Variants in FOXO3 observed in about 807,000 individuals in gnomAD.
The protein encoded by FOXO3 is forkhead box protein O3.
FOXO3 carries 4 observed loss-of-function variants against 41.9 expected under a neutral mutation model. That is an observed-to-expected ratio of 0.10 (90% CI 0.05 to 0.22). The LOEUF (loss-of-function observed/expected upper bound fraction) is 0.22. FOXO3 is among the 10% of genes least tolerant of loss of function. The pLI is 1.00. For missense variants in FOXO3, 534 were observed against 906.8 expected (o/e 0.59, Z 5.28); for synonymous variants, 318 against 389.3 (o/e 0.82, Z 2.16).
intron 2 of FOXO3, 53 bp downstream of exon 2, chr6:108,664,942 T>G: frequency 1.1e-5 from 15 of 1,335,058 alleles, no homozygotes; most frequent in Middle Eastern, 2.4e-4. Flanking sequence ...TGAGGGGGGA[T>G]CTCTGGGGGA....
In FOXO3 at chr6:108,633,395, T is replaced by TA. The variant is rs201686528; in HGVS notation, c.622-30051dup. Among the ~76,000 whole-genome samples, 146 of 151,396 alleles carry TA rather than the reference T, an allele frequency of 9.6e-4. 1 individual carries two copies. Among genetic ancestry groups the TA allele is most frequent in the South Asian group, 8.8e-3 (42 of 4,792 alleles). On this transcript the variant is annotated intron_variant, in intron 1 of 2. Transcript: ENST00000406360. ...GAAGGATTTGTCTTATCTGCTGATT[T>TA]AAAAAAAAAGATTTTATGTTTATTA...
chr6:108,604,921 A>G (rs1168718910), intron 1 of FOXO3, among the ~76,000 whole-genome samples: 1 of 152,154 alleles, frequency 6.6e-6, no homozygotes, highest in Non-Finnish European at 1.5e-5. Context: ...GAAGAGAGAA[A>G]AAGGTATTTG....
At chr6:108,633,331 G>C (rs1778026689) in intron 1 of FOXO3, among the ~76,000 whole-genome samples, 1 of 152,092 alleles carries the variant, frequency 6.6e-6, no homozygotes, top group South Asian at 2.1e-4. Context: ...AAGTGTGTGT[G>C]TGTATGTGTG....
rs1016735384 is a variant in FOXO3 at position 108,680,515 on chromosome 6, C to T, written c.*723C>T. The T allele has an allele frequency of 6.6e-6, 1 of 152,242 alleles. No homozygotes were observed. The highest frequency in any genetic ancestry group is 1.5e-5 in the Non-Finnish European group (1 of 68,048). The allele number at this position is 152,242 out of a possible 1,614,324, so 9.4% of individuals were successfully genotyped here. A position where few individuals can be genotyped will look rare whatever the true frequency, so the allele number is the denominator to read the frequency against. ...AAAGGAGTGGAGCACAGCGTCCGGCCCAGTGTGTTTCCGGTTCTGAGTCAG... is the reference window on the plus strand; with the variant it reads ...AAAGGAGTGGAGCACAGCGTCCGGCTCAGTGTGTTTCCGGTTCTGAGTCAG... On this transcript the variant is annotated 3_prime_UTR_variant, in exon 3 of 3. Transcript: ENST00000406360.
At chr6:108,657,489 C>T (rs1391405800) in intron 1 of FOXO3, among the ~76,000 whole-genome samples, 1 of 152,162 alleles carries the variant, frequency 6.6e-6, no homozygotes, top group Non-Finnish European at 1.5e-5. Flanking sequence ...TTAAGGAAGG[C>T]ACATCCCTAG....
chr6:108,663,716 C>G lies in FOXO3; in HGVS notation c.883C>G (p.Pro295Ala). The change falls in exon 2 of 3, where the codon CCC (proline) becomes GCC (alanine). Residue 295 changes from proline (P) to alanine (A), a missense_variant. Pro to Ala is a conservative substitution (Grantham distance 27). This residue lies in a region of FOXO3 where 185 missense variants were observed against 224.9 expected (regional missense o/e 0.82). Transcript: ENST00000406360. ...CCAGCTCTCCAAGTGGCCTGGCAGC[C>G]CCACGTCACGCAGCAGTGATGAGCT... ...PSQLSKWPGS[P>A]TSRSSDELDA... 6.2e-7 allele frequency: 1 copy of G among 1,613,564 alleles called. No homozygotes were observed. The highest frequency in any genetic ancestry group is 1.1e-5 in the South Asian group (1 of 91,040).
chr6:108,589,598 C>T (rs1776677838), intron 1 of FOXO3, among the ~76,000 whole-genome samples: 1 of 152,364 alleles, frequency 6.6e-6, no homozygotes, highest in African/African-American at 2.4e-5. Context: ...TGCAGGTCCA[C>T]TCCCCTGCAG....
At chr6:108,666,780 T>G (rs1444938076) in intron 2 of FOXO3, among the ~76,000 whole-genome samples, 1 of 152,100 alleles carries the variant, frequency 6.6e-6, no homozygotes, top group Non-Finnish European at 1.5e-5. Flanking sequence ...AAGCTTTCCC[T>G]AAAAACTCTC....
intron 2 of FOXO3, among the ~76,000 whole-genome samples, chr6:108,678,386 T>A (rs1281838737): frequency 6.6e-6 from 1 of 151,364 alleles, no homozygotes; most frequent in Non-Finnish European, 1.5e-5. Flanking sequence ...CTAGAGCCGT[T>A]TCTTTACTAC....
intron 1 of FOXO3, among the ~76,000 whole-genome samples, chr6:108,582,641 A>AT (rs912259557): frequency 2.5e-4 from 37 of 145,310 alleles, no homozygotes; most frequent in East Asian, 6.0e-4. Flanking sequence ...CAGTGGGGTT[A>AT]TTTTTTTTTT....
At chr6:108,606,301 A>AT (rs1777199000) in intron 1 of FOXO3, among the ~76,000 whole-genome samples, 1 of 152,170 alleles carries the variant, frequency 6.6e-6, no homozygotes, top group Admixed American at 6.5e-5. Context: ...GTTCCACAGT[A>AT]TATCAGCCCC....
Position 108,627,715 on chromosome 6 carries a change from G to A in FOXO3, c.622-35740G>A, listed in dbSNP as rs1470115310. Among the ~76,000 whole-genome samples, 5 of 151,252 alleles carry A rather than the reference G, an allele frequency of 3.3e-5. No individual in the cohort carries two copies. In the South Asian group the frequency reaches 6.3e-4, roughly 19 times the overall value. On this transcript the variant is annotated intron_variant, in intron 1 of 2. Transcript: ENST00000406360. ...CTGATGAGCTAAAAAGAAAGAAATA[G>A]TAAAAAAAAAAATCCCATAATGCTT...
chr6:108,598,670 C>T (rs1302712880), intron 1 of FOXO3, among the ~76,000 whole-genome samples: 1 of 152,114 alleles, frequency 6.6e-6, no homozygotes, highest in Non-Finnish European at 1.5e-5. Flanking sequence ...TGATGATTGA[C>T]TTACTGGAAA....
At chr6:108,673,164 C>T (rs1442182062) in intron 2 of FOXO3, among the ~76,000 whole-genome samples, 3 of 152,154 alleles carry the variant, frequency 2.0e-5, no homozygotes. Context: ...GAAAATGCTG[C>T]CTGCCCACCG....
chr6:108,679,045 G>A lies in FOXO3; in HGVS notation c.*35-782G>A, dbSNP rs1562270953. Among the ~76,000 whole-genome samples the A allele has an allele frequency of 4.6e-5, 7 of 151,376 alleles. No homozygotes were observed. The South Asian group carries it at 8.4e-4, about 18-fold the overall frequency. ...CGCCACCGCGCCCGGCTAATTTTTTGTATTTTTAGTAGAGACGGGGTTTCA... is the reference window on the plus strand; with the variant it reads ...CGCCACCGCGCCCGGCTAATTTTTTATATTTTTAGTAGAGACGGGGTTTCA... On this transcript the variant is annotated intron_variant, in intron 2 of 2. Transcript: ENST00000406360.
At chr6:108,655,883 A>G (rs1477504721) in intron 1 of FOXO3, among the ~76,000 whole-genome samples, 1 of 152,086 alleles carries the variant, frequency 6.6e-6, no homozygotes, top group African/African-American at 2.4e-5. Flanking sequence ...GCATTTGGCA[A>G]CCTCATTCTG....
rs1476682691 is a variant in FOXO3 at position 108,561,817 on chromosome 6, T to G, written c.609T>G (p.Ser203=). The G allele has an allele frequency of 5.1e-6, 8 of 1,581,640 alleles. No individual in the cohort carries two copies. In the South Asian group the frequency reaches 6.8e-5, roughly 14 times the overall value. ...AGGATAAGGGCGACAGCAACAGCTC[T>G]GCCGGCTGGAAGGTGCGTACCCACC... is the stretch of plus-strand genomic sequence containing the variant. ...YFKDKGDSNS[S]AGWKNSIRHN... Residue 203 remains serine (S), a synonymous_variant, in exon 1 of 3, where the codon TCT becomes TCG. Coordinates refer to ENST00000406360, the MANE Select transcript of FOXO3 (RefSeq NM_001455.4).
At chr6:108,649,676 C>A (rs1225540219) in intron 1 of FOXO3, among the ~76,000 whole-genome samples, 1 of 151,858 alleles carries the variant, frequency 6.6e-6, no homozygotes, top group African/African-American at 2.4e-5. Context: ...AGGTGTGAGC[C>A]CTGTGCCTGG....
intron 1 of FOXO3, among the ~76,000 whole-genome samples, chr6:108,614,497 T>C (rs1465305964): frequency 6.6e-6 from 1 of 152,162 alleles, no homozygotes; most frequent in East Asian, 1.9e-4. Flanking sequence ...GTATTTGTTG[T>C]TGAAATCTGT....
Sources: gnomAD v4.1 joint callset for allele counts (sites outside exome capture counted in the v4.1 genomes callset) on GRCh38, gnomAD v4.1.1 for gene constraint, gnomAD v4.1.1 regional missense constraint, MANE v1.5 for transcripts, NCBI Gene and HGNC (gene_info 2026-07-23, HGNC 2026-07-21) for gene names.